The following SPATA31D1 variants were observed in gnomAD, a reference collection of about 807,000 sequenced individuals.
SPATA31D1 encodes the protein spermatogenesis-associated protein 31D1.
SPATA31D1 carries 6 observed loss-of-function variants against 13.2 expected under a neutral mutation model. The ratio of observed to expected loss-of-function variants is 0.46; its 90% confidence interval spans 0.25 to 0.90. SPATA31D1 has a LOEUF of 0.90. Among genes scored for constraint, SPATA31D1 ranks in the 40% least tolerant of loss-of-function variants. The probability of loss-of-function intolerance (pLI) is 0.18; values close to 1 mark genes in which losing one functional copy is unlikely to be tolerated. For missense variants in SPATA31D1, 2,445 were observed against 1,884.7 expected (o/e 1.30, Z -5.50); for synonymous variants, 903 against 718.8 (o/e 1.26, Z -4.10).
At chr9:81,989,933 A>G in intron 2 of SPATA31D1, 110 bp downstream of exon 2, 2 of 1,268,386 alleles carry the variant, frequency 1.6e-6, no homozygotes, top group Non-Finnish European at 2.2e-6. Context: ...GCAGTCTTAG[A>G]AAACAGAGCC....
At chr9:81,988,277 A>C (rs1434302674), upstream of SPATA31D1, among the ~76,000 whole-genome samples, 1 of 152,258 alleles carries the variant, frequency 6.6e-6, no homozygotes, top group East Asian at 1.9e-4. Flanking sequence ...AACTGACTTC[A>C]AAACAAAAAA....
chr9:81,989,094 C>A, intron 1 of SPATA31D1, 90 bp downstream of exon 1: 2 of 1,518,476 alleles, frequency 1.3e-6, no homozygotes, highest in East Asian at 2.3e-5. Flanking sequence ...TTGGTTGGTA[C>A]AGAGACATGT....
rs201473485 is a variant in SPATA31D1, at chr9:81,992,303, C to G, written c.1833C>G (p.Asn611Lys). The G allele has an allele frequency of 2.5e-6, 4 of 1,613,668 alleles. No individual in the cohort carries two copies. The highest frequency in any genetic ancestry group is 3.4e-6 in the Non-Finnish European group (4 of 1,179,746). The change falls in exon 4 of 4, where the codon AAC becomes AAG. Residue 611 changes from asparagine (N) to lysine (K), a missense_variant. Asn to Lys is a moderately conservative substitution (Grantham distance 94). Coordinates refer to ENST00000344803, the MANE Select transcript of SPATA31D1 (RefSeq NM_001001670.3). ...GAGTGTGTTTTCATAGACCCCAGAA[C>G]GAGGCACGGTCTCTTTTGCCATCTG... ...ICGVCFHRPQNEARSLLPSEI... is the reference protein window; with the variant it reads ...ICGVCFHRPQKEARSLLPSEI...
Position 81,991,255 on chromosome 9 carries a change from C to T in SPATA31D1, c.785C>T (p.Pro262Leu). The change falls in exon 4 of 4, where the codon CCT becomes CTT. Residue 262 changes from proline (P) to leucine (L), a missense_variant. Coordinates refer to ENST00000344803, the MANE Select transcript of SPATA31D1 (RefSeq NM_001001670.3). ...HIERVESSLQ[P>L]EASLSLNTIF... ...GAGAGAGTGGAGTCCAGCCTCCAAC[C>T]TGAAGCCAGTTTGTCTCTGAACACC... The T allele has an allele frequency of 1.2e-6, 2 of 1,614,032 alleles. No homozygotes were observed. Among genetic ancestry groups the T allele is most frequent in the Non-Finnish European group, 1.7e-6 (2 of 1,179,896 alleles).
In SPATA31D1 at chr9:81,993,299, C is replaced by T. The variant is rs80087452; in HGVS notation, c.2829C>T (p.Asp943=). Residue 943 remains aspartate (D), a synonymous_variant, in exon 4 of 4, where the codon GAC becomes GAT. Coordinates refer to ENST00000344803, the MANE Select transcript of SPATA31D1 (RefSeq NM_001001670.3). ...ADLSTSFSHF[D]LPSSATFISQ... is the part of the protein sequence containing the mutation. Reference sequence around the variant, plus strand: ...TTTCCACTTCCTTTTCCCATTTCGACCTTCCCTCCTCAGCCACCTTCATCT... The same window carrying T: ...TTTCCACTTCCTTTTCCCATTTCGATCTTCCCTCCTCAGCCACCTTCATCT... 206 of 1,613,976 alleles carry T rather than the reference C, an allele frequency of 1.3e-4. 1 individual carries two copies. In the African/African-American group the frequency reaches 2.3e-3, roughly 18 times the overall value.
rs759432930 is a variant in SPATA31D1 at position 81,991,424 on chromosome 9, C to G, written c.954C>G (p.Leu318=). 3.7e-6 allele frequency: 6 copies of G among 1,614,050 alleles called. No homozygotes were observed. The East Asian group carries it at 8.9e-5, about 24-fold the overall frequency. The change falls in exon 4 of 4, where the codon CTC becomes CTG. Residue 318 remains leucine (L), a synonymous_variant. Coordinates refer to ENST00000344803, the MANE Select transcript of SPATA31D1 (RefSeq NM_001001670.3). ...CTGTGACTCAGTCTAAATCAAGTCT[C>G]ACCATCTTGAAGACTTTTCCGGAAA... ...DCTVTQSKSS[L]TILKTFPEML...
Position 81,993,499 on chromosome 9 carries a change from AT to A in SPATA31D1, c.3030del (p.His1010GlnfsTer4). On this transcript the variant is annotated frameshift_variant, in exon 4 of 4. Coordinates refer to ENST00000344803, the MANE Select transcript of SPATA31D1 (RefSeq NM_001001670.3). LOFTEE classifies it low-confidence loss of function (END_TRUNC). ...TLRRQFSDTDHDLIETDSKDG... is the reference protein window; with the variant it reads ...TLRRQFSDTDXDLIETDSKDG... The stretch of plus-strand genomic sequence containing the variant: ...AGAAGACAATTTTCTGATACTGACC[AT>A]GACCTTATAGAGACAGATTCCAAAG... The A allele has an allele frequency of 6.2e-7, 1 of 1,613,954 alleles. No homozygotes were observed. Among genetic ancestry groups the A allele is most frequent in the East Asian group, 2.2e-5 (1 of 44,854 alleles).
Position 81,990,948 on chromosome 9 carries a change from G to C in SPATA31D1, c.478G>C (p.Ala160Pro). 2 of 1,613,834 alleles carry C rather than the reference G, an allele frequency of 1.2e-6. No individual in the cohort carries two copies. The highest frequency in any genetic ancestry group is 1.7e-6 in the Non-Finnish European group (2 of 1,179,826). ...TGCTGCTCCCTCTGTGTCCCCTTTG[G>C]CTTCTTCGGCTTCTGCGACTGAGTC... The part of the protein sequence containing the change: ...KDAAPSVSPL[A>P]SSASATESSF... Residue 160 changes from alanine (A) to proline (P), a missense_variant, in exon 4 of 4, where the codon GCT (alanine) becomes CCT (proline). Coordinates refer to ENST00000344803, the MANE Select transcript of SPATA31D1 (RefSeq NM_001001670.3).
rs1202342421 is a variant in SPATA31D1, at chr9:81,991,194, C to G, written c.724C>G (p.Gln242Glu). ...KFPIDHSPPQQLPFPLLPPHH... is the reference protein window; with the variant it reads ...KFPIDHSPPQELPFPLLPPHH... Reference sequence around the variant, plus strand: ...CCCCATAGACCATTCCCCACCCCAACAGCTTCCCTTTCCCCTTCTCCCACC... The same window carrying G: ...CCCCATAGACCATTCCCCACCCCAAGAGCTTCCCTTTCCCCTTCTCCCACC... The change falls in exon 4 of 4, where the codon CAG becomes GAG. Residue 242 changes from glutamine to glutamate, a missense_variant. Coordinates refer to ENST00000344803, the MANE Select transcript of SPATA31D1 (RefSeq NM_001001670.3). The G allele has an allele frequency of 6.2e-7, 1 of 1,613,958 alleles. No homozygotes were observed. The highest frequency in any genetic ancestry group is 1.7e-4 in the Middle Eastern group (1 of 6,058).
Position 81,993,422 on chromosome 9 carries a change from T to A in SPATA31D1, c.2952T>A (p.Asp984Glu). Residue 984 changes from aspartate (D) to glutamate (E), a missense_variant, in exon 4 of 4, where the codon GAT becomes GAA. Asp to Glu is a conservative substitution (Grantham distance 45, BLOSUM62 2). Coordinates refer to ENST00000344803, the MANE Select transcript of SPATA31D1 (RefSeq NM_001001670.3). ...CAACAAGCTCAGTCCCCATCCTTGA[T>A]CGTCCTCACCCTGTCTCCTCACCTG... The part of the protein sequence containing the change: ...LGTTSSVPIL[D>E]RPHPVSSPVV... 1 of 1,613,954 alleles carries A rather than the reference T, an allele frequency of 6.2e-7. No homozygotes were observed. Among genetic ancestry groups the A allele is most frequent in the Non-Finnish European group, 8.5e-7 (1 of 1,179,892 alleles).
chr9:81,993,670 A>T lies in SPATA31D1; in HGVS notation c.3200A>T (p.Glu1067Val). The stretch of plus-strand genomic sequence containing the variant: ...GAAAAGCAGGGGACCCTGAGAAGAG[A>T]ATTCTCTGATACTGACAATGATCTT... ...NQEKQGTLRR[E>V]FSDTDNDLTE... The change falls in exon 4 of 4, where the codon GAA (glutamate) becomes GTA (valine). Residue 1067 changes from glutamate to valine, a missense_variant. Glu to Val is a moderately radical substitution (Grantham distance 121). Coordinates refer to ENST00000344803, the MANE Select transcript of SPATA31D1 (RefSeq NM_001001670.3). 1.9e-6 allele frequency: 3 copies of T among 1,614,034 alleles called. No homozygotes were observed. Among genetic ancestry groups the T allele is most frequent in the Non-Finnish European group, 2.5e-6 (3 of 1,179,898 alleles).
chr9:81,993,290 C>G lies in SPATA31D1; in HGVS notation c.2820C>G (p.Ser940=). 4 of 1,613,960 alleles carry G rather than the reference C, an allele frequency of 2.5e-6. No individual in the cohort carries two copies. The highest frequency in any genetic ancestry group is 3.4e-6 in the Non-Finnish European group (4 of 1,179,884). ...KSKADLSTSF[S]HFDLPSSATF... ...AAGCGGACCTTTCCACTTCCTTTTC[C>G]CATTTCGACCTTCCCTCCTCAGCCA... The change falls in exon 4 of 4, where the codon TCC becomes TCG. Residue 940 remains serine, a synonymous_variant. Coordinates refer to ENST00000344803, the MANE Select transcript of SPATA31D1 (RefSeq NM_001001670.3).
At position 81,992,505 on chromosome 9, in the gene SPATA31D1, C is replaced by T. The variant is rs1308899003; in HGVS notation, c.2035C>T (p.Leu679Phe). 2.5e-6 allele frequency: 4 copies of T among 1,612,006 alleles called. No homozygotes were observed. The highest frequency in any genetic ancestry group is 3.4e-6 in the Non-Finnish European group (4 of 1,179,736). ...PISIIPGDFP[L>F]SSEVRKKLEQ... Reference sequence around the variant, plus strand: ...CTCCATCATTCCTGGAGATTTTCCACTCAGCTCTGAGGTAAGGAAGAAACT... The same window carrying T: ...CTCCATCATTCCTGGAGATTTTCCATTCAGCTCTGAGGTAAGGAAGAAACT... The change falls in exon 4 of 4, where the codon CTC becomes TTC. Residue 679 changes from leucine (L) to phenylalanine (F), a missense_variant. Physicochemically the swap from Leu to Phe is conservative, Grantham distance 22 (BLOSUM62 0). Transcript: ENST00000344803.
chr9:81,990,584 T>G (rs750242041), intron 3 of SPATA31D1, 98 bp downstream of exon 3: 6 of 1,396,772 alleles, frequency 4.3e-6, no homozygotes, highest in Non-Finnish European at 4.9e-6. Context: ...TGCTGTAGTT[T>G]TGGGAGTGGG....
upstream of SPATA31D1, among the ~76,000 whole-genome samples, chr9:81,988,494 A>G (rs188578493): frequency 1.3e-5 from 2 of 152,304 alleles, no homozygotes; most frequent in South Asian, 2.1e-4. Context: ...CCAAGTTAAG[A>G]GCTCCAAACA....
In SPATA31D1 at chr9:81,991,350, C is replaced by T. The variant is rs751484980; in HGVS notation, c.880C>T (p.Arg294Cys). 1.7e-5 allele frequency: 28 copies of T among 1,613,898 alleles called. No individual in the cohort carries two copies. Among genetic ancestry groups the T allele is most frequent in the African/African-American group, 4.0e-5 (3 of 74,932 alleles). ...QAMNPIDSCA[R>C]HHGPPIPSAL... ...CATGAATCCCATTGATTCTTGTGCT[C>T]GTCATCACGGACCACCAATCCCATC... The change falls in exon 4 of 4, where the codon CGT becomes TGT. Residue 294 changes from arginine (R) to cysteine (C), a missense_variant. By Grantham distance (180) the Arg-to-Cys change is radical (BLOSUM62 -3). Transcript: ENST00000344803.
At position 81,993,562 on chromosome 9, in the gene SPATA31D1, A is replaced by G; in HGVS notation, c.3092A>G (p.Asp1031Gly). 1.9e-6 allele frequency: 3 copies of G among 1,613,472 alleles called. No homozygotes were observed. The highest frequency in any genetic ancestry group is 8.5e-7 in the Non-Finnish European group (1 of 1,179,780). ...ACATCCCTTAGAAGAGGTACTACAG[A>G]TTTTCAAAGCGAAAAATTAGATTCA... ...ASTSLRRGTT[D>G]FQSEKLDSTS... Residue 1031 changes from aspartate to glycine, a missense_variant, in exon 4 of 4, where the codon GAT (aspartate) becomes GGT (glycine). By Grantham distance (94) the Asp-to-Gly change is moderately conservative (BLOSUM62 -1). Transcript: ENST00000344803.
At position 81,992,186 on chromosome 9, in the gene SPATA31D1, C is replaced by A; in HGVS notation, c.1716C>A (p.Ser572=). 1 of 1,613,712 alleles carries A rather than the reference C, an allele frequency of 6.2e-7. No homozygotes were observed. Residue 572 remains serine (S), a synonymous_variant, in exon 4 of 4, where the codon TCC becomes TCA. Coordinates refer to ENST00000344803, the MANE Select transcript of SPATA31D1 (RefSeq NM_001001670.3). ...CTCAAACCCTGCCCCAAGGTCAGTCCCCACATCTCACTCAGGTGAAGTCCC... is the reference window on the plus strand; with the variant it reads ...CTCAAACCCTGCCCCAAGGTCAGTCACCACATCTCACTCAGGTGAAGTCCC... ...PLPQTLPQGQ[S]PHLTQVKSLA...
Position 81,993,611 on chromosome 9 carries a change from T to C in SPATA31D1, c.3141T>C (p.Gly1047=). Reference sequence around the variant, plus strand: ...CAACAAGCTCATTCCCCATCCTCGGTCATTCTTACCTTGTCACTTCACCTG... The same window carrying C: ...CAACAAGCTCATTCCCCATCCTCGGCCATTCTTACCTTGTCACTTCACCTG... The part of the protein sequence containing the change: ...LDSTSSFPIL[G]HSYLVTSPVN... Residue 1047 remains glycine (G), a synonymous_variant, in exon 4 of 4, where the codon GGT becomes GGC. Coordinates refer to ENST00000344803, the MANE Select transcript of SPATA31D1 (RefSeq NM_001001670.3). 1.9e-6 allele frequency: 3 copies of C among 1,613,920 alleles called. No individual in the cohort carries two copies. Among genetic ancestry groups the C allele is most frequent in the Non-Finnish European group, 2.5e-6 (3 of 1,179,866 alleles).
Sources: gnomAD v4.1 joint callset for allele counts (sites outside exome capture counted in the v4.1 genomes callset) on GRCh38, gnomAD v4.1.1 for gene constraint, MANE v1.5 for transcripts, NCBI Gene and HGNC (gene_info 2026-07-23, HGNC 2026-07-21) for gene names.